The following C8orf34 variants were observed in gnomAD, a reference collection of about 807,000 sequenced individuals.
C8orf34 encodes the protein chromosome 8 open reading frame 34.
Under a neutral mutation model 68.3 loss-of-function variants are expected in C8orf34, and 65 were observed. The ratio of observed to expected loss-of-function variants is 0.95; its 90% CI spans 0.78 to 1.17. C8orf34 has a LOEUF of 1.17. Ranked by LOEUF, C8orf34 falls within the 50% of genes most tolerant of loss-of-function variation. The pLI is 0.00. For missense variants in C8orf34, 664 were observed against 655.4 expected (o/e 1.01, Z -0.14); for synonymous variants, 244 against 241.2 (o/e 1.01, Z -0.11).
At chr8:68,590,362 A>T (rs932133055) in intron 7 of C8orf34, among the ~76,000 whole-genome samples, 1 of 152,178 alleles carries the variant, frequency 6.6e-6, no homozygotes, top group Admixed American at 6.5e-5. Flanking sequence ...GATATTTCTT[A>T]GTCCCTTTTA....
intron 7 of C8orf34, among the ~76,000 whole-genome samples, chr8:68,614,048 GA>G (rs1818113360): frequency 6.6e-6 from 1 of 152,194 alleles, no homozygotes; most frequent in Non-Finnish European, 1.5e-5. Context: ...CAGTGATGGT[GA>G]GCATTTTTTC....
intron 11 of C8orf34, among the ~76,000 whole-genome samples, chr8:68,780,073 G>A (rs1476349990): frequency 6.6e-6 from 1 of 152,090 alleles, no homozygotes; most frequent in East Asian, 1.9e-4. Context: ...ATGCTGAAAT[G>A]ACATTATAAA....
At chr8:68,333,936 TAA>T (rs766667638) in intron 1 of C8orf34, among the ~76,000 whole-genome samples, 26 of 152,340 alleles carry the variant, frequency 1.7e-4, no homozygotes, top group Non-Finnish European at 3.2e-4. Context: ...GTGGATAGTT[TAA>T]GTTAGGAATG....
chr8:68,423,802 G>A (rs1810088776), intron 1 of C8orf34, among the ~76,000 whole-genome samples: 2 of 152,120 alleles, frequency 1.3e-5, no homozygotes. Flanking sequence ...GACTGGGGAG[G>A]CCTCAGGAAA....
At chr8:68,450,601 T>C (rs1811300599) in intron 3 of C8orf34, among the ~76,000 whole-genome samples, 1 of 152,150 alleles carries the variant, frequency 6.6e-6, no homozygotes, top group Non-Finnish European at 1.5e-5. Flanking sequence ...TCCTTGTACA[T>C]TGCCATCAGC....
chr8:68,524,371 A>G lies in C8orf34; in HGVS notation c.938+2400A>G, dbSNP rs924788630. On this transcript the variant is annotated intron_variant, in intron 6 of 13. Coordinates refer to ENST00000518698, the MANE Select transcript of C8orf34 (RefSeq NM_052958.4). ...ATGAAGAGGTTAATAAGTATGTTAC[A>G]AATAGTTTGATACAAATGACACCTG... 1.1e-4 allele frequency among the ~76,000 whole-genome samples: 16 copies of G among 152,314 alleles called. No homozygotes were observed. The East Asian group carries it at 3.1e-3, about 29-fold the overall frequency.
At chr8:68,376,215 A>ATAAAATAAAATTAAT (rs1563388599) in intron 1 of C8orf34, among the ~76,000 whole-genome samples, 2 of 151,602 alleles carry the variant, frequency 1.3e-5, no homozygotes, top group Non-Finnish European at 2.9e-5. Flanking sequence ...ATAAAATAAA[A>ATAAAATAAAATTAAT]GTTGATAAAT....
At chr8:68,561,357 C>G (rs968129846) in intron 7 of C8orf34, among the ~76,000 whole-genome samples, 20 of 142,842 alleles carry the variant, frequency 1.4e-4, no homozygotes, top group Admixed American at 1.2e-3. Context: ...CATTATACAG[C>G]TATACAAAAA....
intron 7 of C8orf34, among the ~76,000 whole-genome samples, chr8:68,552,111 A>G (rs906070762): frequency 7.9e-5 from 12 of 152,216 alleles, no homozygotes; most frequent in African/African-American, 2.9e-4. Context: ...TGACAATACC[A>G]CACTATCCTA....
chr8:68,344,390 G>A (rs1806195702), intron 1 of C8orf34, among the ~76,000 whole-genome samples: 1 of 152,120 alleles, frequency 6.6e-6, no homozygotes, highest in African/African-American at 2.4e-5. Context: ...CTGGGTGTCA[G>A]GGATGGAGTA....
chr8:68,661,964 A>G (rs1019210993), intron 8 of C8orf34, among the ~76,000 whole-genome samples: 1 of 140,948 alleles, frequency 7.1e-6, no homozygotes, highest in East Asian at 2.9e-4. Context: ...AGTTGAGTCT[A>G]TAAAATAAAT....
chr8:68,717,382 A>T (rs1348552207), intron 9 of C8orf34, among the ~76,000 whole-genome samples: 1 of 151,726 alleles, frequency 6.6e-6, no homozygotes, highest in Non-Finnish European at 1.5e-5. Context: ...AGTCCCAGCT[A>T]CTCGGGAGGC....
At chr8:68,492,813 G>T (rs1813371555) in intron 5 of C8orf34, among the ~76,000 whole-genome samples, 1 of 151,634 alleles carries the variant, frequency 6.6e-6, no homozygotes, top group African/African-American at 2.4e-5. Flanking sequence ...AGCGAGCACA[G>T]TGACTGCATC....
At chr8:68,652,283 G>C (rs1209174425) in intron 8 of C8orf34, among the ~76,000 whole-genome samples, 1 of 152,134 alleles carries the variant, frequency 6.6e-6, no homozygotes, top group East Asian at 1.9e-4. Flanking sequence ...TAATGGTTGA[G>C]TTGTAAGAAT....
chr8:68,439,354 T>C (rs981398659), intron 1 of C8orf34, 145 bp from the exon 2 acceptor site: 41 of 641,158 alleles, frequency 6.4e-5, no homozygotes, highest in Non-Finnish European at 2.8e-5. Flanking sequence ...TGTAGCCGTC[T>C]GAAAAGATTG....
At chr8:68,591,307 A>C (rs1817382605) in intron 7 of C8orf34, among the ~76,000 whole-genome samples, 2 of 152,192 alleles carry the variant, frequency 1.3e-5, no homozygotes, top group African/African-American at 4.8e-5. Context: ...GAATATTCAG[A>C]AGCTACATTT....
chr8:68,336,022 G>T (rs138714482), intron 1 of C8orf34, among the ~76,000 whole-genome samples: 1 of 152,174 alleles, frequency 6.6e-6, no homozygotes, highest in Non-Finnish European at 1.5e-5. Flanking sequence ...AGGAAGTGGA[G>T]GTTGCAGTGA....
intron 12 of C8orf34, chr8:68,791,000 C>G (rs1823979556): frequency 1.7e-6 from 1 of 604,888 alleles, no homozygotes; most frequent in African/African-American, 1.9e-5. Flanking sequence ...GGCTTCTTTC[C>G]TCATCTATAA....
rs567704156 is a variant in C8orf34, at chr8:68,809,087, C to T, written c.1550-6799C>T. On this transcript the variant is annotated intron_variant, in intron 12 of 13. Transcript: ENST00000518698. ...ACTCAGCTAAGGTCTTGCTTCTTCC[C>T]GGTGGTCCCAGACTAGTAAATTGCA... Among the ~76,000 whole-genome samples, 14 of 152,134 alleles carry T rather than the reference C, an allele frequency of 9.2e-5. No homozygotes were observed. The East Asian group carries it at 1.6e-3, about 17-fold the overall frequency.
Sources: gnomAD v4.1 joint callset for allele counts (sites outside exome capture counted in the v4.1 genomes callset) on GRCh38, gnomAD v4.1.1 for gene constraint, MANE v1.5 for transcripts, NCBI Gene and HGNC (gene_info 2026-07-23, HGNC 2026-07-21) for gene names.